The following SIRT3 variants were observed in gnomAD, a reference collection of about 807,000 sequenced individuals.
The protein encoded by SIRT3 is NAD-dependent protein deacetylase sirtuin-3, mitochondrial.
In SIRT3, 26 loss-of-function variants were observed where a neutral mutation model predicts 33.5. That is an observed-to-expected ratio of 0.78 (90% CI 0.57 to 1.08). The LOEUF is 1.08. Among genes scored for constraint, SIRT3 ranks in the 50% least tolerant of loss-of-function variants. The probability of loss-of-function intolerance (pLI) is 0.00; values close to 1 mark genes in which losing one functional copy is unlikely to be tolerated. For missense variants in SIRT3, 585 were observed against 530.1 expected, an observed-to-expected ratio of 1.10 and a Z score of -1.02; for synonymous variants, 237 against 222.1, an observed-to-expected ratio of 1.07 and a Z score of -0.60.
chr11:216,281 G>C lies in SIRT3; in HGVS notation c.*417C>G. 1 of 185,926 alleles carries C rather than the reference G, an allele frequency of 5.4e-6. No individual in the cohort carries two copies. The highest frequency in any genetic ancestry group is 1.1e-5 in the Non-Finnish European group (1 of 89,314). 11.5% of individuals were successfully genotyped at this position (185,926 alleles called of 1,614,324 possible). A position where few individuals can be genotyped will look rare whatever the true frequency, so the allele number is the denominator to read the frequency against. ...CACTTCGGAACATGAAGAGGGCTGG[G>C]GACCGCTCGGCCCAAGTCTGGATCT... is the stretch of plus-strand genomic sequence containing the variant. On this transcript the variant is annotated 3_prime_UTR_variant, in exon 7 of 7. Coordinates refer to ENST00000382743, the MANE Select transcript of SIRT3 (RefSeq NM_012239.6).
chr11:231,966 GAA>G (rs568496089), intron 3 of SIRT3, among the ~76,000 whole-genome samples: 22,531 of 151,662 alleles, frequency 0.15, 1,795 homozygotes, highest in South Asian at 0.34. Flanking sequence ...TGCACGGCCA[GAA>G]GTTGGCACAA....
intron 3 of SIRT3, among the ~76,000 whole-genome samples, chr11:231,124 C>CAAAA (rs33939565): frequency 2.2e-5 from 3 of 138,562 alleles, no homozygotes; most frequent in African/African-American, 8.2e-5. Flanking sequence ...GATTCTGTCT[C>CAAAA]AAAAAAAAAA....
At chr11:236,922 GGCCTGCTACGGCGCTCCCA>G (rs1859244689), upstream of SIRT3, 2 of 768,312 alleles carry the variant, frequency 2.6e-6, no homozygotes, top group South Asian at 1.5e-5. Flanking sequence ...GCCCGCCCCC[GGCCTGCTACGGCGCTCCCA>G]GCCTGCCCCG....
At chr11:216,854 G>A in intron 6 of SIRT3, 136 bp from the exon 7 acceptor site, 3 of 948,482 alleles carry the variant, frequency 3.2e-6, no homozygotes, top group Non-Finnish European at 5.1e-6. Context: ...AAATACTGCT[G>A]CTGCTGTGCT....
chr11:226,910 C>T (rs1423244161), intron 4 of SIRT3, among the ~76,000 whole-genome samples: 1 of 150,938 alleles, frequency 6.6e-6, no homozygotes, highest in Non-Finnish European at 1.5e-5. Flanking sequence ...TGCACCATCA[C>T]GCCCGGCTAA....
rs183466918 is a variant in SIRT3, at chr11:216,324, G to A, written c.*374C>T. 6.4e-4 allele frequency: 144 copies of A among 223,894 alleles called. No individual in the cohort carries two copies. Among genetic ancestry groups the A allele is most frequent in the African/African-American group, 2.9e-3 (130 of 44,090 alleles). 13.9% of individuals were successfully genotyped at this position (223,894 alleles called of 1,614,324 possible). A position where few individuals can be genotyped will look rare whatever the true frequency, so the allele number is the denominator to read the frequency against. On this transcript the variant is annotated 3_prime_UTR_variant, in exon 7 of 7. Coordinates refer to ENST00000382743, the MANE Select transcript of SIRT3 (RefSeq NM_012239.6). ...CTGGATCTTGTAACCAACAGATGCC[G>A]AGCTTGCCGTTCAACTAGGCACAGA...
intron 6 of SIRT3, 134 bp from the exon 7 acceptor site, chr11:216,852 C>CAAA: frequency 3.1e-6 from 3 of 968,322 alleles, no homozygotes; most frequent in Non-Finnish European, 5.0e-6. Flanking sequence ...GCAAATACTG[C>CAAA]TGCTGCTGTG....
At chr11:218,649 T>A in intron 6 of SIRT3, 183 bp downstream of exon 6, 1 of 1,118,232 alleles carries the variant, frequency 8.9e-7, no homozygotes, top group Non-Finnish European at 1.2e-6. Context: ...TGTTTCCTCA[T>A]CTCTAAATGG....
At chr11:219,842 G>C (rs12803673) in intron 5 of SIRT3, among the ~76,000 whole-genome samples, 2 of 152,006 alleles carry the variant, frequency 1.3e-5, no homozygotes, top group South Asian at 4.2e-4. Flanking sequence ...TGACAGATCT[G>C]ACTATGTAAA....
At chr11:219,240 G>A (rs528185851) in intron 5 of SIRT3, among the ~76,000 whole-genome samples, 199 bp from the exon 6 acceptor site, 30 of 151,380 alleles carry the variant, frequency 2.0e-4, no homozygotes, top group African/African-American at 7.1e-4. Flanking sequence ...TCTCCCCTCC[G>A]CCTCTCTCTC....
At position 216,333 on chromosome 11, in the gene SIRT3, G is replaced by A. The variant is rs202069029; in HGVS notation, c.*365C>T. Reference sequence around the variant, plus strand: ...GTAACCAACAGATGCCGAGCTTGCCGTTCAACTAGGCACAGAAAGCAGACT... The same window carrying A: ...GTAACCAACAGATGCCGAGCTTGCCATTCAACTAGGCACAGAAAGCAGACT... On this transcript the variant is annotated 3_prime_UTR_variant, in exon 7 of 7. Transcript: ENST00000382743. The A allele has an allele frequency of 4.3e-5, 10 of 235,056 alleles. No homozygotes were observed. The highest frequency in any genetic ancestry group is 1.3e-4 in the African/African-American group (6 of 44,476). 14.6% of individuals were successfully genotyped at this position (235,056 alleles called of 1,614,324 possible).
chr11:224,883 T>C (rs1046979969), intron 4 of SIRT3, among the ~76,000 whole-genome samples: 1 of 151,948 alleles, frequency 6.6e-6, no homozygotes, highest in Non-Finnish European at 1.5e-5. Context: ...GGAAGACACC[T>C]GACTTTCTAA....
At chr11:218,327 C>T (rs780665620) in intron 6 of SIRT3, among the ~76,000 whole-genome samples, 7 of 152,186 alleles carry the variant, frequency 4.6e-5, no homozygotes, top group South Asian at 4.1e-4. Flanking sequence ...TGTTTATAGG[C>T]GGTTTGAAAT....
At chr11:220,312 CA>C (rs1856263910) in intron 5 of SIRT3, among the ~76,000 whole-genome samples, 2 of 106,934 alleles carry the variant, frequency 1.9e-5, no homozygotes, top group Admixed American at 2.8e-4. Context: ...GCCTGGGAGA[CA>C]GAGCAAGACT....
chr11:235,787 A>G (rs1858946724), intron 1 of SIRT3, among the ~76,000 whole-genome samples: 1 of 152,220 alleles, frequency 6.6e-6, no homozygotes, highest in Non-Finnish European at 1.5e-5. Flanking sequence ...TTATGCAAAC[A>G]GTGAGGTGCC....
rs1429599324 is a variant in SIRT3, at chr11:236,275, T to C, written c.54A>G (p.Val18=). ...AAAALRLWGR[V]VERVEAGGGV... The stretch of plus-strand genomic sequence containing the variant: ...CTCCCCCGGCCTCGACCCGTTCAAC[T>C]ACCCGGCCCCACAGCCGGAGGGCTG... The change falls in exon 1 of 7, where the codon GTA becomes GTG. Residue 18 remains valine (V), a synonymous_variant. Transcript: ENST00000382743. The C allele has an allele frequency of 8.4e-6, 13 of 1,538,784 alleles. No individual in the cohort carries two copies. The highest frequency in any genetic ancestry group is 7.8e-5 in the Admixed American group (4 of 51,232).
At chr11:235,068 G>T (rs1355596083) in intron 1 of SIRT3, among the ~76,000 whole-genome samples, 2 of 151,722 alleles carry the variant, frequency 1.3e-5, no homozygotes, top group East Asian at 3.9e-4. Context: ...AGTAGAAATG[G>T]GGTTTCACCA....
intron 3 of SIRT3, 57 bp from the exon 4 acceptor site, chr11:230,609 C>A (rs978936211): frequency 4.0e-6 from 5 of 1,259,578 alleles, no homozygotes; most frequent in Admixed American, 2.8e-5. Flanking sequence ...GCACGCAAGG[C>A]CAAGAGCACA....
At chr11:229,653 G>A (rs1857642103) in intron 4 of SIRT3, among the ~76,000 whole-genome samples, 1 of 152,026 alleles carries the variant, frequency 6.6e-6, no homozygotes, top group African/African-American at 2.4e-5. Context: ...CAGCTTCTCA[G>A]GAGGCTGAGG....
Sources: allele counts gnomAD v4.1 joint callset (sites outside exome capture counted in the v4.1 genomes callset), GRCh38; gene constraint gnomAD v4.1.1; transcripts MANE v1.5; gene names NCBI Gene and HGNC (gene_info 2026-07-23, HGNC 2026-07-21).